The following DGKH variants were observed in gnomAD, a reference collection of about 807,000 sequenced individuals.
DGKH encodes diacylglycerol kinase eta.
DGKH carries 90 observed loss-of-function variants against 159.3 expected under a neutral mutation model. That is an observed-to-expected ratio of 0.57 (90% CI 0.48 to 0.67). The LOEUF (loss-of-function observed/expected upper bound fraction) is 0.67, where lower values mean the gene tolerates loss of function less well. DGKH is among the 30% of genes least tolerant of loss of function. The probability of loss-of-function intolerance (pLI) is 0.00; values close to 1 mark genes in which losing one functional copy is unlikely to be tolerated. For missense variants in DGKH, 1,181 were observed against 1,506.1 expected (o/e 0.78, Z 3.57); for synonymous variants, 536 against 553.8 (o/e 0.97, Z 0.45).
chr13:42,125,584 C>T (rs1955154064), intron 1 of DGKH, among the ~76,000 whole-genome samples: 1 of 152,108 alleles, frequency 6.6e-6, no homozygotes, highest in South Asian at 2.1e-4. Context: ...TACTGACTTT[C>T]AAAAGTGTTT....
intron 5 of DGKH, among the ~76,000 whole-genome samples, chr13:42,157,586 T>A (rs1249837830): frequency 6.6e-6 from 1 of 152,172 alleles, no homozygotes; most frequent in Admixed American, 6.5e-5. Flanking sequence ...TTGGGAGTTG[T>A]AAGCCACCAC....
At chr13:42,095,696 A>G (rs1259730081) in intron 1 of DGKH, among the ~76,000 whole-genome samples, 4 of 152,308 alleles carry the variant, frequency 2.6e-5, no homozygotes, top group African/African-American at 4.8e-5. Context: ...CTATATATCT[A>G]TGTGAATATA....
chr13:42,206,176 C>A, intron 21 of DGKH, 30 bp downstream of exon 21: 2 of 1,320,924 alleles, frequency 1.5e-6, no homozygotes, highest in South Asian at 2.1e-5. Context: ...AGTTTGTTTC[C>A]TCAAAAATAA....
chr13:42,137,241 A>G (rs1955419671), intron 3 of DGKH, among the ~76,000 whole-genome samples: 1 of 152,236 alleles, frequency 6.6e-6, no homozygotes, highest in Non-Finnish European at 1.5e-5. Flanking sequence ...TTCTTTTCAT[A>G]TCACTTGTGA....
At chr13:42,165,645 A>G (rs1956293515) in intron 8 of DGKH, among the ~76,000 whole-genome samples, 1 of 152,156 alleles carries the variant, frequency 6.6e-6, no homozygotes, top group Non-Finnish European at 1.5e-5. Flanking sequence ...TGGCGAAATT[A>G]CTGTATATAA....
In DGKH at chr13:42,222,675, G is replaced by A. The variant is rs1594237357; in HGVS notation, c.3573+1281G>A. ...TTGGCAGATACCAATATTTATTAAT[G>A]ACTGATTAATATATTATGCTAGCTT... On this transcript the variant is annotated intron_variant, in intron 29 of 29. Transcript: ENST00000337343. 2.0e-5 allele frequency among the ~76,000 whole-genome samples: 3 copies of A among 152,056 alleles called. No homozygotes were observed. In the South Asian group the frequency reaches 6.2e-4, roughly 32 times the overall value.
chr13:42,146,737 C>T (rs889134721), intron 3 of DGKH, among the ~76,000 whole-genome samples: 1 of 152,148 alleles, frequency 6.6e-6, no homozygotes. Context: ...CTCAACAGAG[C>T]ATATAGTTGT....
chr13:42,166,383 C>T, intron 8 of DGKH, 132 bp from the exon 9 acceptor site: 2 of 671,590 alleles, frequency 3.0e-6, no homozygotes, highest in South Asian at 9.1e-5. Context: ...GTTAACCTAT[C>T]TCTATTTGGA....
rs368696828 is a variant in DGKH, at chr13:42,096,887, C to T, written c.193-30576C>T. Among the ~76,000 whole-genome samples, 3 of 152,104 alleles carry T rather than the reference C, an allele frequency of 2.0e-5. No homozygotes were observed. The East Asian group carries it at 5.8e-4, about 29-fold the overall frequency. ...AAAAAGTCCTGCACACGTGGGTTTCCGTGTCTGAAGATGGTTCCATTTTTC... is the reference window on the plus strand; with the variant it reads ...AAAAAGTCCTGCACACGTGGGTTTCTGTGTCTGAAGATGGTTCCATTTTTC... On this transcript the variant is annotated intron_variant, in intron 1 of 29. Coordinates refer to ENST00000337343, the MANE Select transcript of DGKH (RefSeq NM_178009.5).
In DGKH at chr13:42,190,434, A is replaced by G. The variant is rs1474238292; in HGVS notation, c.1944A>G (p.Glu648=). ...VMDDPTVHPC[E]PANQSSDYDS... is the part of the protein sequence containing the mutation. ...ATGACCCGACAGTTCACCCCTGTGA[A>G]CCAGCTAATCAGTCCTCTGATTATG... is the stretch of plus-strand genomic sequence containing the variant. The change falls in exon 16 of 30, where the codon GAA becomes GAG. Residue 648 remains glutamate (E), a synonymous_variant. Transcript: ENST00000337343. 1 of 1,609,922 alleles carries G rather than the reference A, an allele frequency of 6.2e-7. No individual in the cohort carries two copies. Among genetic ancestry groups the G allele is most frequent in the Non-Finnish European group, 8.5e-7 (1 of 1,178,618 alleles).
intron 3 of DGKH, among the ~76,000 whole-genome samples, chr13:42,151,556 TATGTAGTTTCACTTATATGTATACAC>T: frequency 5.5e-5 from 6 of 108,858 alleles, no homozygotes; most frequent in African/African-American, 2.2e-4. Context: ...CACGTGTATA[TATGTAGTTTCACTTATATGTATACAC>T]ACACACACAC....
At chr13:42,179,155 C>T (rs1005979585) in intron 13 of DGKH, among the ~76,000 whole-genome samples, 8 of 152,202 alleles carry the variant, frequency 5.3e-5, no homozygotes, top group African/African-American at 1.9e-4. Flanking sequence ...GAATGGCTTA[C>T]AGCAAGGGAA....
chr13:42,101,215 C>T (rs1467638033), intron 1 of DGKH, among the ~76,000 whole-genome samples: 6 of 152,204 alleles, frequency 3.9e-5, no homozygotes, highest in African/African-American at 1.4e-4. Flanking sequence ...CCCAGACTGG[C>T]CTCTTTAGTT....
At chr13:42,179,787 A>AG (rs941431511) in intron 13 of DGKH, among the ~76,000 whole-genome samples, 3 of 151,756 alleles carry the variant, frequency 2.0e-5, no homozygotes, top group African/African-American at 7.3e-5. Flanking sequence ...TCTCAAAAAA[A>AG]AAAAAAAAAG....
rs1958267167 is a variant in DGKH at position 42,230,671 on chromosome 13, TATACACATATATGTGTATATATACATAC to T, written c.*1495_*1522del. 1 of 152,090 alleles carries T rather than the reference TATACACATATATGTGTATATATACATAC, an allele frequency of 6.6e-6. No homozygotes were observed. Among genetic ancestry groups the T allele is most frequent in the Non-Finnish European group, 1.5e-5 (1 of 68,002 alleles). The allele number at this position is 152,090 out of a possible 1,614,324, so 9.4% of individuals were successfully genotyped here. ...ATATATATACACACAGATATATACA[TATACACATATATGTGTATATATACATAC>T]ATACACATATACATTTATATGTGTA... On this transcript the variant is annotated 3_prime_UTR_variant, in exon 30 of 30. Transcript: ENST00000337343.
intron 3 of DGKH, among the ~76,000 whole-genome samples, chr13:42,147,189 T>C (rs549956678): frequency 5.8e-4 from 88 of 152,244 alleles, no homozygotes; most frequent in Admixed American, 1.4e-3. Flanking sequence ...ATGCCTTTAA[T>C]TAAGAGTTGA....
chr13:42,149,387 G>A (rs1347554611), intron 3 of DGKH, among the ~76,000 whole-genome samples: 6 of 152,186 alleles, frequency 3.9e-5, no homozygotes, highest in African/African-American at 1.2e-4. Flanking sequence ...GCCATGCCAA[G>A]TGGTTTAGAA....
At chr13:42,082,127 G>A (rs1404632230) in intron 1 of DGKH, among the ~76,000 whole-genome samples, 1 of 151,558 alleles carries the variant, frequency 6.6e-6, no homozygotes, top group Non-Finnish European at 1.5e-5. Flanking sequence ...CTCCTGTTGG[G>A]CTGCACACGT....
intron 3 of DGKH, among the ~76,000 whole-genome samples, chr13:42,154,876 TA>T (rs72171903): frequency 8.7e-4 from 126 of 145,654 alleles, no homozygotes; most frequent in Middle Eastern, 3.5e-3. Flanking sequence ...CTGCCTCTAC[TA>T]AAAAAAAAAA....
Sources: allele counts gnomAD v4.1 joint callset (sites outside exome capture counted in the v4.1 genomes callset), GRCh38; gene constraint gnomAD v4.1.1; transcripts MANE v1.5; gene names NCBI Gene and HGNC (gene_info 2026-07-23, HGNC 2026-07-21).